Variants in LMTK2 observed in about 807,000 individuals in gnomAD.
LMTK2 encodes lemur tail kinase 2.
In LMTK2, 37 loss-of-function variants were observed where a neutral mutation model predicts 127.5. That is an observed-to-expected ratio of 0.29 (90% confidence interval 0.22 to 0.38). The LOEUF is 0.38. Among genes scored for constraint, LMTK2 ranks in the 10% least tolerant of loss-of-function variants. The pLI, the probability that LMTK2 is intolerant of heterozygous loss-of-function variation, is 1.00. For synonymous variants in LMTK2, 819 were observed against 810.1 expected (o/e 1.01, Z -0.19); for missense variants, 1,694 against 1,920.3 (o/e 0.88, Z 2.20).
chr7:98,197,633 G>T (rs554825178), intron 11 of LMTK2, among the ~76,000 whole-genome samples: 2 of 152,312 alleles, frequency 1.3e-5, no homozygotes, highest in East Asian at 3.9e-4. Flanking sequence ...CAGGAGGATC[G>T]CTTAAGGCCA....
At chr7:98,141,610 C>A in intron 3 of LMTK2, 69 bp downstream of exon 3, 1 of 1,452,576 alleles carries the variant, frequency 6.9e-7, no homozygotes, top group Non-Finnish European at 9.6e-7. Flanking sequence ...GGAGCCTAGC[C>A]ATCATAAATA....
intron 2 of LMTK2, 97 bp from the exon 3 acceptor site, chr7:98,141,300 A>G: frequency 1.6e-6 from 2 of 1,213,862 alleles, no homozygotes; most frequent in South Asian, 1.4e-5. Context: ...AACTGGAAAA[A>G]AATAATTGTG....
At chr7:98,138,266 A>G (rs911273626) in intron 2 of LMTK2, among the ~76,000 whole-genome samples, 5 of 152,198 alleles carry the variant, frequency 3.3e-5, no homozygotes, top group African/African-American at 1.2e-4. Flanking sequence ...CTGGAGGTCC[A>G]GTGGTTCAAA....
At chr7:98,195,627 C>A (rs1183210190) in intron 11 of LMTK2, among the ~76,000 whole-genome samples, 1 of 152,200 alleles carries the variant, frequency 6.6e-6, no homozygotes, top group Non-Finnish European at 1.5e-5. Flanking sequence ...CCGTCTCCTT[C>A]ACATTGCTTG....
chr7:98,191,058 T>A lies in LMTK2; in HGVS notation c.1148+181T>A, dbSNP rs1202273357. 6.6e-6 allele frequency among the ~76,000 whole-genome samples: 1 copy of A among 152,164 alleles called. No individual in the cohort carries two copies. Among genetic ancestry groups the A allele is most frequent in the Non-Finnish European group, 1.5e-5 (1 of 68,028 alleles). ...TGAAGGTGTAGAAATGTTTCGGGTG[T>A]TGAGTTGGCTTTAGGGTCCTTGTAA... On this transcript the variant is annotated intron_variant, in intron 10 of 13. Transcript: ENST00000297293.
intron 2 of LMTK2, among the ~76,000 whole-genome samples, chr7:98,139,489 C>T (rs910278542): frequency 2.0e-5 from 3 of 152,188 alleles, no homozygotes; most frequent in African/African-American, 4.8e-5. Flanking sequence ...AGTGGTACAT[C>T]ATGCTGCTGC....
At chr7:98,170,130 A>G (rs1294167930) in intron 6 of LMTK2, among the ~76,000 whole-genome samples, 1 of 152,228 alleles carries the variant, frequency 6.6e-6, no homozygotes, top group Non-Finnish European at 1.5e-5. Flanking sequence ...CAGCCCTACC[A>G]TTTATTAGCT....
intron 1 of LMTK2, among the ~76,000 whole-genome samples, chr7:98,127,402 C>T (rs1459660774): frequency 6.6e-6 from 1 of 152,202 alleles, no homozygotes; most frequent in Non-Finnish European, 1.5e-5. Flanking sequence ...CCCTTAGCTT[C>T]CCTCAGTTCT....
chr7:98,189,735 G>A (rs7791463), intron 9 of LMTK2, among the ~76,000 whole-genome samples: 56,609 of 152,050 alleles, frequency 0.37, 13,405 homozygotes, highest in Middle Eastern at 0.62. Flanking sequence ...CTGTTTCCAT[G>A]GGGACAGAGC....
Position 98,207,814 on chromosome 7 carries a change from G to A in LMTK2, c.*2322G>A, listed in dbSNP as rs1347495594. The A allele has an allele frequency of 1.3e-5, 2 of 152,172 alleles. No individual in the cohort carries two copies. Among genetic ancestry groups the A allele is most frequent in the Non-Finnish European group, 2.9e-5 (2 of 68,050 alleles). 9.4% of individuals were successfully genotyped at this position (152,172 alleles called of 1,614,324 possible). A position where few individuals can be genotyped will look rare whatever the true frequency, so the allele number is the denominator to read the frequency against. The stretch of plus-strand genomic sequence containing the variant: ...ACTAGGATTAAGATTTTGGCCGGGC[G>A]CGGTGGCTCACGCCTGCAATCCCAA... On this transcript the variant is annotated 3_prime_UTR_variant, in exon 14 of 14. Coordinates refer to ENST00000297293, the MANE Select transcript of LMTK2 (RefSeq NM_014916.4).
chr7:98,198,866 C>A (rs552107822), intron 11 of LMTK2, among the ~76,000 whole-genome samples: 1 of 152,122 alleles, frequency 6.6e-6, no homozygotes, highest in African/African-American at 2.4e-5. Flanking sequence ...TGTGAGTTTT[C>A]GTTTTCATTC....
intron 6 of LMTK2, among the ~76,000 whole-genome samples, chr7:98,168,302 A>G (rs2116416413): frequency 6.6e-6 from 1 of 152,282 alleles, no homozygotes; most frequent in African/African-American, 2.4e-5. Flanking sequence ...GAGATGATGT[A>G]TAAGGTTATG....
At position 98,194,611 on chromosome 7, in the gene LMTK2, T is replaced by C. The variant is rs1323710871; in HGVS notation, c.4107+39T>C. ...CTAAATCATTTTCTATACACATCCA[T>C]ATAAGGATTCCAAAATGTGCTAGGA... On this transcript the variant is annotated intron_variant, in intron 11 of 13. Transcript: ENST00000297293. This position sits in a 1 kb window ranked among gnomAD's most constrained non-coding sequence, Gnocchi z 5.4. 22 of 1,507,356 alleles carry C rather than the reference T, an allele frequency of 1.5e-5. No homozygotes were observed. The highest frequency in any genetic ancestry group is 2.0e-5 in the Non-Finnish European group (22 of 1,123,188). The allele number at this position is 1,507,356 out of a possible 1,614,324, so 93.4% of individuals were successfully genotyped here. A position where few individuals can be genotyped will look rare whatever the true frequency, so the allele number is the denominator to read the frequency against.
At chr7:98,173,190 G>A (rs959763330) in intron 7 of LMTK2, among the ~76,000 whole-genome samples, 5 of 152,164 alleles carry the variant, frequency 3.3e-5, no homozygotes, top group Admixed American at 6.5e-5. Flanking sequence ...AAAGTACCGT[G>A]CCTATCAGAC....
At chr7:98,173,368 T>C (rs1443647438) in intron 7 of LMTK2, among the ~76,000 whole-genome samples, 1 of 152,092 alleles carries the variant, frequency 6.6e-6, no homozygotes, top group Non-Finnish European at 1.5e-5. Context: ...CAGAATCCCT[T>C]ATATGAAGCT....
At position 98,194,354 on chromosome 7, in the gene LMTK2, GACCTGCGGGCCTTCA is replaced by G. The variant is rs2116469887; in HGVS notation, c.3896_3910del (p.Arg1299_Leu1303del). On this transcript the variant is annotated inframe_deletion, in exon 11 of 14. Transcript: ENST00000297293. The surrounding 1 kb of genome is among the most constrained non-coding windows in gnomAD (Gnocchi z 5.4). The stretch of plus-strand genomic sequence containing the variant: ...CGAAAACAGCGACGACTCGGACGAG[GACCTGCGGGCCTTCA>G]ACCTGCATAGCCTCAGCTCCGAGTC... 1 of 1,614,134 alleles carries G rather than the reference GACCTGCGGGCCTTCA, an allele frequency of 6.2e-7. No individual in the cohort carries two copies. Among genetic ancestry groups the G allele is most frequent in the Non-Finnish European group, 8.5e-7 (1 of 1,180,010 alleles).
intron 1 of LMTK2, among the ~76,000 whole-genome samples, chr7:98,120,304 A>G (rs1049607111): frequency 3.9e-5 from 6 of 152,122 alleles, no homozygotes; most frequent in Admixed American, 1.3e-4. Flanking sequence ...TTCTCAGTCC[A>G]TCCCCAAACT....
chr7:98,147,408 G>A (rs1796790080), intron 3 of LMTK2, among the ~76,000 whole-genome samples: 1 of 152,030 alleles, frequency 6.6e-6, no homozygotes, highest in Admixed American at 6.6e-5. Context: ...TTCTTATAGA[G>A]GCAGCATCTC....
chr7:98,140,280 ACTC>A (rs1338477656), intron 2 of LMTK2, among the ~76,000 whole-genome samples: 1 of 151,206 alleles, frequency 6.6e-6, no homozygotes, highest in African/African-American at 2.4e-5. Flanking sequence ...AGCCAGGACT[ACTC>A]CAGTAGTCCT....
Sources: gnomAD v4.1 joint callset for allele counts (sites outside exome capture counted in the v4.1 genomes callset) on GRCh38, gnomAD v4.1.1 for gene constraint, Gnocchi (gnomAD v3.1) non-coding constraint, MANE v1.5 for transcripts, NCBI Gene and HGNC (gene_info 2026-07-23, HGNC 2026-07-21) for gene names.